The following FAM131A variants were observed in gnomAD, a reference collection of about 807,000 sequenced individuals.
FAM131A encodes family with sequence similarity 131 member A, also known as protein FAM131A.
FAM131A carries 24 observed loss-of-function variants against 39.2 expected under a neutral mutation model. The observed-to-expected ratio is 0.61, with a 90% CI of 0.44 to 0.86. FAM131A has a LOEUF of 0.86. FAM131A is among the 40% of genes least tolerant of loss of function. FAM131A has a pLI of 0.00. For missense variants in FAM131A, 373 were observed against 481.2 expected (o/e 0.78, Z 2.10); for synonymous variants, 202 against 206.8 (o/e 0.98, Z 0.20).
At chr3:184,336,360 T>A (rs1315550490), upstream of FAM131A, among the ~76,000 whole-genome samples, 1 of 152,174 alleles carries the variant, frequency 6.6e-6, no homozygotes, top group East Asian at 1.9e-4. The surrounding 1 kb of genome is among the most constrained non-coding windows in gnomAD (Gnocchi z 5.5). Flanking sequence ...ACGCATGGTC[T>A]CGCCGCTGGC....
In FAM131A at chr3:184,342,996, C is replaced by G; in HGVS notation, c.625+136C>G. ...CAGACTCAGTCCAGGCAGGCCTGGA[C>G]ACTCCAGGGACAGGAAGGCTGTCCA... is the stretch of plus-strand genomic sequence containing the variant. On this transcript the variant is annotated intron_variant, in intron 5 of 5. Coordinates refer to ENST00000383847, the MANE Select transcript of FAM131A (RefSeq NM_144635.5). This position sits in a 1 kb window ranked among gnomAD's most constrained non-coding sequence, Gnocchi z 4.6. The G allele has an allele frequency of 1.4e-6, 1 of 702,990 alleles. No homozygotes were observed. Among genetic ancestry groups the G allele is most frequent in the Admixed American group, 2.3e-5 (1 of 43,986 alleles). The allele number at this position is 702,990 out of a possible 1,614,324, so 43.5% of individuals were successfully genotyped here. A position where few individuals can be genotyped will look rare whatever the true frequency, so the allele number is the denominator to read the frequency against.
At chr3:184,338,659 G>A in intron 2 of FAM131A, 130 bp downstream of exon 2, 1 of 1,273,402 alleles carries the variant, frequency 7.9e-7, no homozygotes. Flanking sequence ...ATCCGGCGGC[G>A]GGCCGGGAGG....
intron 3 of FAM131A, 84 bp downstream of exon 3, chr3:184,341,901 A>T: frequency 6.5e-7 from 1 of 1,531,344 alleles, no homozygotes; most frequent in Non-Finnish European, 9.1e-7. Flanking sequence ...TCCTGTGAGT[A>T]CATGCTGGGG....
In FAM131A at chr3:184,341,706, C is replaced by T. The variant is rs1026934854; in HGVS notation, c.232-18C>T. 1 of 1,601,212 alleles carries T rather than the reference C, an allele frequency of 6.2e-7. No individual in the cohort carries two copies. Among genetic ancestry groups the T allele is most frequent in the Admixed American group, 1.7e-5 (1 of 59,626 alleles). ...TTGCTGTCAGAGGGGCACTGACTTTCTAATGGTGTTACCCAAGGTGAATGT... is the reference window on the plus strand; with the variant it reads ...TTGCTGTCAGAGGGGCACTGACTTTTTAATGGTGTTACCCAAGGTGAATGT... On this transcript the variant is annotated intron_variant, in intron 2 of 5. Coordinates refer to ENST00000383847, the MANE Select transcript of FAM131A (RefSeq NM_144635.5).
rs1727453720 is a variant in FAM131A at position 184,342,991 on chromosome 3, C to A, written c.625+131C>A. The stretch of plus-strand genomic sequence containing the variant: ...AGGGACAGACTCAGTCCAGGCAGGC[C>A]TGGACACTCCAGGGACAGGAAGGCT... On this transcript the variant is annotated intron_variant, in intron 5 of 5. Transcript: ENST00000383847. This position sits in a 1 kb window ranked among gnomAD's most constrained non-coding sequence, Gnocchi z 4.6. 4 of 733,520 alleles carry A rather than the reference C, an allele frequency of 5.5e-6. No individual in the cohort carries two copies. The Admixed American group carries it at 8.9e-5, about 16-fold the overall frequency. The allele number at this position is 733,520 out of a possible 1,614,324, so 45.4% of individuals were successfully genotyped here.
Position 184,337,696 on chromosome 3 carries a change from G to A in FAM131A, c.66G>A (p.Trp22Ter). Residue 22 changes from tryptophan to a stop codon, truncating the protein, a stop_gained, in exon 1 of 6, where the codon TGG becomes TGA. Transcript: ENST00000383847. LOFTEE classifies it high-confidence loss of function. ...LWQREGPGGR[W>*]TCQTSRRVSS... ...AGCGTGAAGGGCCTGGAGGACGATG[G>A]ACTTGTCAGACAAGTCGCAGAGGTG... The A allele has an allele frequency of 1.3e-6, 2 of 1,537,272 alleles. No homozygotes were observed. The highest frequency in any genetic ancestry group is 1.7e-6 in the Non-Finnish European group (2 of 1,146,914).
chr3:184,344,490 C>T lies in FAM131A; in HGVS notation c.626-5C>T, dbSNP rs1727532362. 2.6e-6 allele frequency: 4 copies of T among 1,518,890 alleles called. No individual in the cohort carries two copies. Among genetic ancestry groups the T allele is most frequent in the Middle Eastern group, 4.6e-4 (2 of 4,308 alleles). 94.1% of individuals were successfully genotyped at this position (1,518,890 alleles called of 1,614,324 possible). The stretch of plus-strand genomic sequence containing the variant: ...GGACTGTCTTCTTTTCTCTTCTCCT[C>T]ACAGACATGGCTGGGCAGCTGCCCC... On this transcript the variant is annotated splice_region_variant and splice_polypyrimidine_tract_variant and intron_variant, in intron 5 of 5. Coordinates refer to ENST00000383847, the MANE Select transcript of FAM131A (RefSeq NM_144635.5).
At chr3:184,337,357 C>T, upstream of FAM131A, 2 of 370,980 alleles carry the variant, frequency 5.4e-6, no homozygotes. Context: ...ATAGAGACGG[C>T]TGCTCCAGCT....
At position 184,342,624 on chromosome 3, in the gene FAM131A, C is replaced by G. The variant is rs1010735389; in HGVS notation, c.509-120C>G. On this transcript the variant is annotated intron_variant, in intron 4 of 5. Transcript: ENST00000383847. The surrounding 1 kb of genome is among the most constrained non-coding windows in gnomAD (Gnocchi z 4.6). ...CCCGGCCAGGGCTGCTTTCTTATCT[C>G]CTCGGGTCTGACATGGGGGTTGGAG... 5 of 876,324 alleles carry G rather than the reference C, an allele frequency of 5.7e-6. No individual in the cohort carries two copies. Among genetic ancestry groups the G allele is most frequent in the Non-Finnish European group, 8.8e-6 (5 of 568,182 alleles). 54.3% of individuals were successfully genotyped at this position (876,324 alleles called of 1,614,324 possible). A position where few individuals can be genotyped will look rare whatever the true frequency, so the allele number is the denominator to read the frequency against.
chr3:184,341,974 G>A lies in FAM131A; in HGVS notation c.326-92G>A, dbSNP rs571573662. ...CCTTCTCCCACCCAAAGGTTCACAT[G>A]GATCCTAACTACTGCCACCCTTCCA... On this transcript the variant is annotated intron_variant, in intron 3 of 5. Coordinates refer to ENST00000383847, the MANE Select transcript of FAM131A (RefSeq NM_144635.5). 77 of 1,548,210 alleles carry A rather than the reference G, an allele frequency of 5.0e-5. No homozygotes were observed. The South Asian group carries it at 8.4e-4, about 17-fold the overall frequency.
At chr3:184,338,809 A>C in intron 2 of FAM131A, 1 of 388,276 alleles carries the variant, frequency 2.6e-6, no homozygotes, top group Non-Finnish European at 4.7e-6. Context: ...GGAGACATAC[A>C]CCTTTTCTCT....
rs367738156 is a variant in FAM131A at position 184,343,221 on chromosome 3, G to A, written c.625+361G>A. ...GCAGTGCCTTTGCCTCTTCCTCTCC[G>A]AGGCAGCCTTCTGGCTGGCTGTGGC... On this transcript the variant is annotated intron_variant, in intron 5 of 5. Transcript: ENST00000383847. 6 of 171,154 alleles carry A rather than the reference G, an allele frequency of 3.5e-5. 1 individual carries two copies. Among genetic ancestry groups the A allele is most frequent in the Non-Finnish European group, 7.5e-5 (6 of 79,736 alleles). 10.6% of individuals were successfully genotyped at this position (171,154 alleles called of 1,614,324 possible).
In FAM131A at chr3:184,342,662, C is replaced by T. The variant is rs1342146881; in HGVS notation, c.509-82C>T. 2 of 1,263,788 alleles carry T rather than the reference C, an allele frequency of 1.6e-6. No homozygotes were observed. Among genetic ancestry groups the T allele is most frequent in the African/African-American group, 2.9e-5 (2 of 68,646 alleles). 78.3% of individuals were successfully genotyped at this position (1,263,788 alleles called of 1,614,324 possible). ...ATGGGGGTTGGAGTCTTCCCATACC[C>T]TGTTTCTCCTCTCTCCTGTCTTCAA... On this transcript the variant is annotated intron_variant, in intron 4 of 5. Transcript: ENST00000383847. The surrounding 1 kb of genome is among the most constrained non-coding windows in gnomAD (Gnocchi z 4.6).
intron 1 of FAM131A, 58 bp downstream of exon 1, chr3:184,337,776 T>C: frequency 1.3e-6 from 2 of 1,489,162 alleles, no homozygotes; most frequent in East Asian, 2.5e-5. Context: ...AGCAGTAGGG[T>C]GCTTAGGTGG....
At chr3:184,336,546 C>G (rs1727110576), upstream of FAM131A, among the ~76,000 whole-genome samples, 1 of 152,200 alleles carries the variant, frequency 6.6e-6, no homozygotes, top group Non-Finnish European at 1.5e-5. The surrounding 1 kb of genome is among the most constrained non-coding windows in gnomAD (Gnocchi z 5.5). Flanking sequence ...TGCTGGGAAC[C>G]TGCTTCTCCC....
At position 184,341,731 on chromosome 3, in the gene FAM131A, T is replaced by C. The variant is rs758581063; in HGVS notation, c.239T>C (p.Val80Ala). The change falls in exon 3 of 6, where the codon GTT (valine) becomes GCT (alanine). Residue 80 changes from valine to alanine, a missense_variant. By Grantham distance (64) the Val-to-Ala change is moderately conservative. Around this residue, in one of 2 missense-constraint regions of FAM131A, gnomAD observed 221 missense variants for 347.7 expected, o/e 0.64. Coordinates refer to ENST00000383847, the MANE Select transcript of FAM131A (RefSeq NM_144635.5). ...VDSQDLPEVN[V>A]GDTVAMLPKS... The stretch of plus-strand genomic sequence containing the variant: ...CTAATGGTGTTACCCAAGGTGAATG[T>C]TGGAGACACAGTCGCGATGCTGCCC... 12 of 1,607,526 alleles carry C rather than the reference T, an allele frequency of 7.5e-6. No homozygotes were observed. The highest frequency in any genetic ancestry group is 3.3e-4 in the Middle Eastern group (2 of 6,082).
chr3:184,337,864 T>G (rs1371346592), intron 1 of FAM131A, 146 bp downstream of exon 1: 1 of 741,668 alleles, frequency 1.3e-6, no homozygotes, highest in Admixed American at 2.7e-5. Context: ...AGACAGGGCA[T>G]CAGGAAACGG....
At position 184,344,980 on chromosome 3, in the gene FAM131A, T is replaced by C; in HGVS notation, c.*10T>C. 6.6e-7 allele frequency: 1 copy of C among 1,519,036 alleles called. No homozygotes were observed. The highest frequency in any genetic ancestry group is 8.8e-7 in the Non-Finnish European group (1 of 1,135,254). The allele number at this position is 1,519,036 out of a possible 1,614,324, so 94.1% of individuals were successfully genotyped here. On this transcript the variant is annotated 3_prime_UTR_variant, in exon 6 of 6. Transcript: ENST00000383847. ...GCCAGAGGAACAGTGACCCACATCATGCCTGGCAGTGGCATGCATCCCCCG... is the reference window on the plus strand; with the variant it reads ...GCCAGAGGAACAGTGACCCACATCACGCCTGGCAGTGGCATGCATCCCCCG...
rs770114794 is a variant in FAM131A, at chr3:184,342,697, T to C, written c.509-47T>C. On this transcript the variant is annotated intron_variant, in intron 4 of 5. Transcript: ENST00000383847. This position sits in a 1 kb window ranked among gnomAD's most constrained non-coding sequence, Gnocchi z 4.6. Reference sequence around the variant, plus strand: ...TCTCTCCTGTCTTCAAGCTGAGCCCTAGACTTAGCTCACCTTCTCTGCTTA... The same window carrying C: ...TCTCTCCTGTCTTCAAGCTGAGCCCCAGACTTAGCTCACCTTCTCTGCTTA... 62 of 1,536,676 alleles carry C rather than the reference T, an allele frequency of 4.0e-5. No individual in the cohort carries two copies. Among genetic ancestry groups the C allele is most frequent in the Non-Finnish European group, 5.4e-5 (60 of 1,113,892 alleles).
Sources: allele counts gnomAD v4.1 joint callset (sites outside exome capture counted in the v4.1 genomes callset), GRCh38; gene constraint gnomAD v4.1.1; regional missense constraint gnomAD v4.1.1; non-coding constraint Gnocchi (gnomAD v3.1); transcripts MANE v1.5; gene names NCBI Gene and HGNC (gene_info 2026-07-23, HGNC 2026-07-21).